Variants in TEKT5 observed in about 807,000 individuals in gnomAD.
TEKT5 encodes the protein tektin-5.
A neutral mutation model predicts 48.7 loss-of-function variants in TEKT5; 52 were observed. That is an observed-to-expected ratio of 1.07 (90% CI 0.86 to 1.35). The LOEUF (loss-of-function observed/expected upper bound fraction) is 1.35. Ranked by LOEUF, TEKT5 falls within the 40% of genes most tolerant of loss-of-function variation. The probability of loss-of-function intolerance (pLI) is 0.00; values close to 1 mark genes in which losing one functional copy is unlikely to be tolerated. For synonymous variants in TEKT5, 318 were observed against 267.6 expected, an observed-to-expected ratio of 1.19 and a Z score of -1.84; for missense variants, 831 against 641.6, an observed-to-expected ratio of 1.30 and a Z score of -3.19.
Position 10,694,760 on chromosome 16 carries a change from G to C in TEKT5, c.114C>G (p.Pro38=). Residue 38 remains proline, a synonymous_variant, in exon 1 of 7, where the codon CCC becomes CCG. Coordinates refer to ENST00000283025, the MANE Select transcript of TEKT5 (RefSeq NM_144674.2). ...GGTAGCGGTACCCGGGCAGGTAGTA[G>C]GGCTGATAGCATTCCTGGATCACTG... is the stretch of plus-strand genomic sequence containing the variant. ...QAPVIQECYQ[P]YYLPGYRYLN... 3.1e-6 allele frequency: 5 copies of C among 1,614,128 alleles called. No individual in the cohort carries two copies. The highest frequency in any genetic ancestry group is 4.2e-6 in the Non-Finnish European group (5 of 1,180,000).
intron 5 of TEKT5, among the ~76,000 whole-genome samples, chr16:10,669,061 T>A (rs953348839): frequency 6.6e-6 from 1 of 152,212 alleles, no homozygotes; most frequent in African/African-American, 2.4e-5. Flanking sequence ...GAAATCACCA[T>A]TTTTTACCAA....
chr16:10,628,255 G>A (rs79425909), intron 6 of TEKT5, among the ~76,000 whole-genome samples: 2,117 of 152,324 alleles, frequency 0.014, 49 homozygotes, highest in African/African-American at 0.048. Context: ...CCCTCCAGGG[G>A]AAGGCAGAGG....
intron 1 of TEKT5, among the ~76,000 whole-genome samples, chr16:10,692,302 G>C (rs566038028): frequency 6.6e-6 from 1 of 152,118 alleles, no homozygotes; most frequent in Non-Finnish European, 1.5e-5. Flanking sequence ...GGAGAATCTG[G>C]GGTTGTATAG....
At chr16:10,672,260 TA>T (rs997979572) in intron 5 of TEKT5, among the ~76,000 whole-genome samples, 1 of 151,244 alleles carries the variant, frequency 6.6e-6, no homozygotes, top group Non-Finnish European at 1.5e-5. Context: ...CTTCATTCTT[TA>T]AAAAAAAACC....
chr16:10,650,131 G>A (rs997202792), intron 5 of TEKT5, among the ~76,000 whole-genome samples: 31 of 151,854 alleles, frequency 2.0e-4, no homozygotes, highest in Non-Finnish European at 4.4e-4. Flanking sequence ...GAGTGCAGTG[G>A]CGCAATCTCG....
chr16:10,673,238 A>G (rs1367825701), intron 5 of TEKT5, among the ~76,000 whole-genome samples: 1 of 152,192 alleles, frequency 6.6e-6, no homozygotes, highest in East Asian at 1.9e-4. Context: ...TTTTGAGCTA[A>G]GTTCCAGAGC....
At chr16:10,666,036 G>C (rs1325571769) in intron 5 of TEKT5, among the ~76,000 whole-genome samples, 1 of 152,176 alleles carries the variant, frequency 6.6e-6, no homozygotes, top group Non-Finnish European at 1.5e-5. Flanking sequence ...CTCGGAGTTT[G>C]AGACCAGCCT....
chr16:10,656,854 C>T (rs1260300512), intron 5 of TEKT5, among the ~76,000 whole-genome samples: 4 of 152,106 alleles, frequency 2.6e-5, no homozygotes, highest in Admixed American at 2.6e-4. Flanking sequence ...GACCCTCCCA[C>T]CTCCACCTCC....
At chr16:10,638,066 C>T (rs2142261537) in intron 5 of TEKT5, among the ~76,000 whole-genome samples, 1 of 152,336 alleles carries the variant, frequency 6.6e-6, no homozygotes, top group South Asian at 2.1e-4. Flanking sequence ...CATGCCTCAA[C>T]CTCCCAAAGT....
chr16:10,693,750 A>G (rs1337485317), intron 1 of TEKT5, among the ~76,000 whole-genome samples: 1 of 152,228 alleles, frequency 6.6e-6, no homozygotes, highest in Non-Finnish European at 1.5e-5. Context: ...TAGGAGGTCA[A>G]GGCGGGAAGA....
intron 5 of TEKT5, among the ~76,000 whole-genome samples, chr16:10,638,885 A>G (rs1025726248): frequency 2.6e-5 from 4 of 152,236 alleles, no homozygotes; most frequent in Non-Finnish European, 4.4e-5. Flanking sequence ...TGTAAAACAA[A>G]AAGTACTATC....
In TEKT5 at chr16:10,683,051, G is replaced by A. The variant is rs779042033; in HGVS notation, c.720-915C>T. ...TATGTATATATGTACAGAACAGAAT[G>A]GTAAGGGCATTGTGCAGGTTTGAAA... On this transcript the variant is annotated intron_variant, in intron 3 of 6. Coordinates refer to ENST00000283025, the MANE Select transcript of TEKT5 (RefSeq NM_144674.2). 6.6e-5 allele frequency among the ~76,000 whole-genome samples: 10 copies of A among 152,130 alleles called. No homozygotes were observed. In the East Asian group the frequency reaches 1.9e-3, roughly 29 times the overall value.
chr16:10,679,767 C>T (rs1272970672), intron 4 of TEKT5, among the ~76,000 whole-genome samples: 17 of 151,254 alleles, frequency 1.1e-4, no homozygotes, highest in Admixed American at 1.1e-3. Flanking sequence ...CGTGATGGCA[C>T]ATGCCTGTAA....
chr16:10,631,230 T>G (rs1291748296), intron 6 of TEKT5, among the ~76,000 whole-genome samples: 5 of 129,308 alleles, frequency 3.9e-5, no homozygotes, highest in Non-Finnish European at 7.8e-5. Context: ...CACTCCAGCC[T>G]GGACAACAGA....
intron 4 of TEKT5, among the ~76,000 whole-genome samples, chr16:10,676,657 G>A (rs1017007604): frequency 6.6e-6 from 1 of 152,152 alleles, no homozygotes; most frequent in Non-Finnish European, 1.5e-5. Flanking sequence ...CTTCATTGGG[G>A]TCCCTGAACC....
At chr16:10,638,872 T>C (rs1466786647) in intron 5 of TEKT5, among the ~76,000 whole-genome samples, 2 of 152,228 alleles carry the variant, frequency 1.3e-5, no homozygotes, top group East Asian at 3.8e-4. Context: ...GACAAGACTA[T>C]GATGTAAAAC....
intron 6 of TEKT5, among the ~76,000 whole-genome samples, chr16:10,634,109 G>A (rs544228520): frequency 1.1e-3 from 172 of 152,324 alleles, no homozygotes; most frequent in Non-Finnish European, 1.5e-3. Context: ...CCTGCCCAGT[G>A]AAGCCCTGGC....
intron 5 of TEKT5, among the ~76,000 whole-genome samples, chr16:10,642,294 C>T (rs1203516444): frequency 2.0e-5 from 3 of 152,186 alleles, no homozygotes; most frequent in Admixed American, 2.0e-4. Flanking sequence ...GCCCATAGTC[C>T]AACCACCTCC....
chr16:10,633,103 G>A (rs1291520296), intron 6 of TEKT5, among the ~76,000 whole-genome samples: 1 of 152,248 alleles, frequency 6.6e-6, no homozygotes, highest in African/African-American at 2.4e-5. Flanking sequence ...GCTCATGCCT[G>A]TAATCCCAGC....
Sources: gnomAD v4.1 joint callset for allele counts (sites outside exome capture counted in the v4.1 genomes callset) on GRCh38, gnomAD v4.1.1 for gene constraint, MANE v1.5 for transcripts, NCBI Gene and HGNC (gene_info 2026-07-23, HGNC 2026-07-21) for gene names.